DOCK4: variants seen among roughly 807,000 people sequenced by gnomAD.
DOCK4 encodes the protein dedicator of cytokinesis protein 4.
Under a neutral mutation model 268.1 loss-of-function variants are expected in DOCK4, and 97 were observed. The observed-to-expected ratio is 0.36, with a 90% CI of 0.31 to 0.43. DOCK4 has a LOEUF of 0.43. Ranked by LOEUF, DOCK4 falls within the 20% of genes least tolerant of loss-of-function variation. The probability of loss-of-function intolerance (pLI) is 1.00; values close to 1 mark genes in which losing one functional copy is unlikely to be tolerated. For missense variants in DOCK4, 2,145 were observed against 2,455.7 expected, an observed-to-expected ratio of 0.87 and a Z score of 2.67; for synonymous variants, 954 against 887.2, an observed-to-expected ratio of 1.08 and a Z score of -1.34.
intron 1 of DOCK4, among the ~76,000 whole-genome samples, chr7:112,112,400 T>C (rs1357190817): frequency 6.6e-6 from 1 of 152,038 alleles, no homozygotes; most frequent in Non-Finnish European, 1.5e-5. Context: ...TCCCAACACT[T>C]TGGAAGGCCG....
intron 1 of DOCK4, among the ~76,000 whole-genome samples, chr7:112,018,807 A>G (rs896243652): frequency 2.0e-5 from 3 of 152,054 alleles, no homozygotes; most frequent in African/African-American, 7.3e-5. Flanking sequence ...AACAAATGAG[A>G]TAAATTTTCC....
intron 1 of DOCK4, among the ~76,000 whole-genome samples, chr7:112,057,827 C>T (rs1324245001): frequency 6.6e-6 from 1 of 151,434 alleles, no homozygotes; most frequent in Non-Finnish European, 1.5e-5. Flanking sequence ...AATCACACTG[C>T]TCTCACTAAA....
intron 1 of DOCK4, among the ~76,000 whole-genome samples, chr7:112,185,989 C>A (rs1260213415): frequency 1.3e-5 from 2 of 152,242 alleles, no homozygotes; most frequent in Non-Finnish European, 2.9e-5. Context: ...GGAAGCACAC[C>A]ATCCTTGGCT....
chr7:111,785,252 T>C (rs1032894517), intron 32 of DOCK4, among the ~76,000 whole-genome samples: 6 of 152,182 alleles, frequency 3.9e-5, no homozygotes, highest in African/African-American at 1.4e-4. Context: ...TTGTTTAAAA[T>C]GTGTTTTCTT....
At position 111,915,876 on chromosome 7, in the gene DOCK4, G is replaced by T; in HGVS notation, c.1095C>A (p.His365Gln). 1 of 1,612,046 alleles carries T rather than the reference G, an allele frequency of 6.2e-7. No homozygotes were observed. The highest frequency in any genetic ancestry group is 8.5e-7 in the Non-Finnish European group (1 of 1,179,058). ...AGLAVSLQLL[H>Q]GDIEQIRREY... ...CCCTTCTGATTTGTTCAATGTCTCCGTGCAATAGCTGTAAGGAAACTGCTA... is the reference window on the plus strand; with the variant it reads ...CCCTTCTGATTTGTTCAATGTCTCCTTGCAATAGCTGTAAGGAAACTGCTA... The change falls in exon 13 of 53, where the codon CAC becomes CAA. Residue 365 changes from histidine to glutamine, a missense_variant. Around this residue, in one of 2 missense-constraint regions of DOCK4, gnomAD observed 1,598 missense variants for 1,986.7 expected, o/e 0.80. Coordinates refer to ENST00000428084, the MANE Select transcript of DOCK4 (RefSeq NM_001363540.2).
intron 27 of DOCK4, chr7:111,819,871 T>G (rs1289189876): frequency 6.6e-6 from 1 of 152,142 alleles, no homozygotes; most frequent in African/African-American, 2.4e-5. Flanking sequence ...AATGTTTGTC[T>G]AAGAAAGTTG....
In DOCK4 at chr7:111,782,620, G is replaced by A. The variant is rs141252064; in HGVS notation, c.3585+244C>T. The stretch of plus-strand genomic sequence containing the variant: ...ATGGCATCACTCTGGGATCCCACAC[G>A]GGTCTCCTATTAGGGCTGTGGGGAA... On this transcript the variant is annotated intron_variant, in intron 35 of 52. Transcript: ENST00000428084. Among the ~76,000 whole-genome samples, 261 of 152,228 alleles carry A rather than the reference G, an allele frequency of 1.7e-3. 1 individual carries two copies. The highest frequency in any genetic ancestry group is 5.9e-3 in the African/African-American group (244 of 41,544).
chr7:112,187,759 T>C (rs1439122055), intron 1 of DOCK4, among the ~76,000 whole-genome samples: 2 of 152,166 alleles, frequency 1.3e-5, no homozygotes, highest in Non-Finnish European at 2.9e-5. Context: ...CTGACCAATT[T>C]TGCACAGTAT....
rs192958338 is a variant in DOCK4 at position 112,199,142 on chromosome 7, G to T, written c.37+6960C>A. ...CAAGACAATTTAGGTTCCAATCCTA[G>T]CTCCACCATTTACAGTATGACCTTA... is the stretch of plus-strand genomic sequence containing the variant. On this transcript the variant is annotated intron_variant, in intron 1 of 52. Transcript: ENST00000428084. Among the ~76,000 whole-genome samples, 459 of 152,272 alleles carry T rather than the reference G, an allele frequency of 3.0e-3. 2 individuals carry two copies. The highest frequency in any genetic ancestry group is 5.1e-3 in the Non-Finnish European group (345 of 68,008).
At chr7:111,891,465 G>C (rs1808281393) in intron 16 of DOCK4, among the ~76,000 whole-genome samples, 1 of 151,900 alleles carries the variant, frequency 6.6e-6, no homozygotes, top group Non-Finnish European at 1.5e-5. Flanking sequence ...TCACTGTACG[G>C]GTATAACTAA....
intron 44 of DOCK4, among the ~76,000 whole-genome samples, chr7:111,745,431 C>G (rs940734047): frequency 1.3e-5 from 2 of 151,822 alleles, no homozygotes; most frequent in Non-Finnish European, 2.9e-5. Flanking sequence ...GCCTGTAATC[C>G]CAGCACTTTG....
At chr7:112,157,686 A>C (rs987817413) in intron 1 of DOCK4, among the ~76,000 whole-genome samples, 5 of 152,176 alleles carry the variant, frequency 3.3e-5, no homozygotes, top group Non-Finnish European at 5.9e-5. Context: ...GAGAGCTGTC[A>C]ATGCACAGAT....
intron 1 of DOCK4, among the ~76,000 whole-genome samples, chr7:112,104,902 T>C (rs918245521): frequency 6.6e-6 from 1 of 152,184 alleles, no homozygotes; most frequent in African/African-American, 2.4e-5. Context: ...AAGCAGTAAA[T>C]GAGCTCAAAG....
At chr7:112,028,544 C>T (rs1482527471) in intron 1 of DOCK4, among the ~76,000 whole-genome samples, 1 of 152,160 alleles carries the variant, frequency 6.6e-6, no homozygotes, top group Non-Finnish European at 1.5e-5. Context: ...TTGTAATTGT[C>T]GAATAATAAC....
chr7:111,935,928 C>A (rs1409584409), intron 11 of DOCK4, among the ~76,000 whole-genome samples: 4 of 152,182 alleles, frequency 2.6e-5, no homozygotes, highest in Non-Finnish European at 5.9e-5. Context: ...CAGGGGAAGG[C>A]AGCCCCAACT....
intron 44 of DOCK4, among the ~76,000 whole-genome samples, chr7:111,742,807 C>T (rs1026406530): frequency 1.3e-5 from 2 of 152,156 alleles, no homozygotes; most frequent in East Asian, 3.9e-4. Context: ...GCCTGGACAA[C>T]ACAGTGAAAC....
rs1254762580 is a variant in DOCK4 at position 111,908,302 on chromosome 7, G to A, written c.1193-6501C>T. ...TCTCTACTAAAAATACAAAAAATTA[G>A]CTGGGCATGGTGGCGGGCGCCTGTA... On this transcript the variant is annotated intron_variant, in intron 13 of 52. Transcript: ENST00000428084. Among the ~76,000 whole-genome samples, 3 of 151,828 alleles carry A rather than the reference G, an allele frequency of 2.0e-5. No individual in the cohort carries two copies. The East Asian group carries it at 5.9e-4, about 30-fold the overall frequency.
At chr7:112,189,533 C>A (rs920287975) in intron 1 of DOCK4, among the ~76,000 whole-genome samples, 1 of 152,070 alleles carries the variant, frequency 6.6e-6, no homozygotes, top group African/African-American at 2.4e-5. Context: ...TGTAAATACC[C>A]TATTAAAAAT....
chr7:112,061,607 C>T (rs938134463), intron 1 of DOCK4, among the ~76,000 whole-genome samples: 8 of 152,042 alleles, frequency 5.3e-5, no homozygotes, highest in East Asian at 1.9e-4. Flanking sequence ...CTCTCTATGG[C>T]CACATTATAA....
Sources: gnomAD v4.1 joint callset for allele counts (sites outside exome capture counted in the v4.1 genomes callset) on GRCh38, gnomAD v4.1.1 for gene constraint, gnomAD v4.1.1 regional missense constraint, MANE v1.5 for transcripts, NCBI Gene and HGNC (gene_info 2026-07-23, HGNC 2026-07-21) for gene names.